PCCA: variants seen among roughly 807,000 people sequenced by gnomAD.
PCCA encodes the protein propionyl-CoA carboxylase alpha chain, mitochondrial.
Under a neutral mutation model 101.3 loss-of-function variants are expected in PCCA, and 74 were observed. The ratio of observed to expected loss-of-function variants is 0.73; its 90% CI spans 0.61 to 0.89. PCCA has a LOEUF of 0.89. Among genes scored for constraint, PCCA ranks in the 40% least tolerant of loss-of-function variants. The pLI, the probability that PCCA is intolerant of heterozygous loss-of-function variation, is 0.00. For synonymous variants in PCCA, 294 were observed against 313.6 expected, an observed-to-expected ratio of 0.94 and a Z score of 0.66; for missense variants, 891 against 907.0, an observed-to-expected ratio of 0.98 and a Z score of 0.23.
chr13:100,418,229 C>T (rs932970268), intron 19 of PCCA, among the ~76,000 whole-genome samples: 1 of 152,198 alleles, frequency 6.6e-6, no homozygotes, highest in Non-Finnish European at 1.5e-5. Context: ...CTCCACCTTC[C>T]CTATGCCTGC....
At position 100,154,995 on chromosome 13, in the gene PCCA, C is replaced by A. The variant is rs765468519; in HGVS notation, c.317C>A (p.Ala106Glu). The A allele has an allele frequency of 1.2e-6, 2 of 1,613,096 alleles. No individual in the cohort carries two copies. Among genetic ancestry groups the A allele is most frequent in the Non-Finnish European group, 1.7e-6 (2 of 1,179,308 alleles). ...TCTCCTCAGGTTCATGTGAAAATGG[C>A]GGATGAGGCTGTCTGTGTTGGCCCA... The part of the protein sequence containing the change: ...VDASSVHVKM[A>E]DEAVCVGPAP... The change falls in exon 5 of 24, where the codon GCG (alanine) becomes GAG (glutamate). Residue 106 changes from alanine (A) to glutamate (E), a missense_variant. Physicochemically the swap from Ala to Glu is moderately radical, Grantham distance 107. Coordinates refer to ENST00000376285, the MANE Select transcript of PCCA (RefSeq NM_000282.4).
intron 19 of PCCA, among the ~76,000 whole-genome samples, chr13:100,380,153 A>G (rs906516542): frequency 6.6e-6 from 1 of 152,122 alleles, no homozygotes; most frequent in Admixed American, 6.5e-5. Flanking sequence ...CTTGAGCCCA[A>G]GAGTTCGAGA....
At chr13:100,249,525 T>C (rs1306242660) in intron 8 of PCCA, among the ~76,000 whole-genome samples, 2 of 152,324 alleles carry the variant, frequency 1.3e-5, no homozygotes, top group Admixed American at 1.3e-4. Context: ...CTTTTGAATT[T>C]GTTCTTTTTC....
chr13:100,431,937 C>G (rs1397322035), intron 20 of PCCA, among the ~76,000 whole-genome samples: 1 of 151,816 alleles, frequency 6.6e-6, no homozygotes. Context: ...AGCCTGTAAT[C>G]CCAGCACTTT....
In PCCA at chr13:100,425,614, T is replaced by C; in HGVS notation, c.1747-19T>C. On this transcript the variant is annotated intron_variant, in intron 19 of 23. Transcript: ENST00000376285. ...TCTGTCTTTCTTCATGGTAATGGTCTTATTTGGTGTCACAACAGGTGGAAG... is the reference window on the plus strand; with the variant it reads ...TCTGTCTTTCTTCATGGTAATGGTCCTATTTGGTGTCACAACAGGTGGAAG... 1 of 1,546,444 alleles carries C rather than the reference T, an allele frequency of 6.5e-7. No individual in the cohort carries two copies. Among genetic ancestry groups the C allele is most frequent in the African/African-American group, 1.4e-5 (1 of 73,794 alleles).
chr13:100,405,624 A>G (rs373828012), intron 19 of PCCA, among the ~76,000 whole-genome samples: 8 of 152,306 alleles, frequency 5.3e-5, no homozygotes, highest in African/African-American at 1.7e-4. Context: ...ATGGATGTCT[A>G]TTCCACAAGG....
chr13:100,180,666 A>G (rs1395908613), intron 6 of PCCA, among the ~76,000 whole-genome samples: 3 of 152,114 alleles, frequency 2.0e-5, no homozygotes, highest in Non-Finnish European at 4.4e-5. Context: ...GTCTCCTCCG[A>G]TTTCTTTCCC....
intron 23 of PCCA, among the ~76,000 whole-genome samples, chr13:100,529,798 G>A (rs901826962): frequency 2.0e-5 from 3 of 152,196 alleles, no homozygotes; most frequent in African/African-American, 4.8e-5. Flanking sequence ...ACCTGAGGGT[G>A]CCAGAGCGCA....
chr13:100,378,031 C>G (rs2076026356), intron 19 of PCCA, among the ~76,000 whole-genome samples: 1 of 152,026 alleles, frequency 6.6e-6, no homozygotes, highest in Admixed American at 6.6e-5. Flanking sequence ...TTTATACTTG[C>G]ACGTGTTTTC....
intron 2 of PCCA, among the ~76,000 whole-genome samples, chr13:100,106,498 C>T (rs750528165): frequency 6.6e-6 from 1 of 152,090 alleles, no homozygotes; most frequent in Non-Finnish European, 1.5e-5. Flanking sequence ...GCAACCTCCA[C>T]CTTCCGAGTT....
rs747848129 is a variant in PCCA at position 100,489,225 on chromosome 13, G to A, written c.1900-26202G>A. Among the ~76,000 whole-genome samples, 6 of 152,046 alleles carry A rather than the reference G, an allele frequency of 3.9e-5. 1 individual carries two copies. The highest frequency in any genetic ancestry group is 8.8e-5 in the Non-Finnish European group (6 of 67,998). On this transcript the variant is annotated intron_variant, in intron 21 of 23. Coordinates refer to ENST00000376285, the MANE Select transcript of PCCA (RefSeq NM_000282.4). ...CGGGAGGCTGAGGCAGGAGAATGGCGTGAACCCGGGAGGCGGAGCTTGCAG... is the reference window on the plus strand; with the variant it reads ...CGGGAGGCTGAGGCAGGAGAATGGCATGAACCCGGGAGGCGGAGCTTGCAG...
intron 6 of PCCA, among the ~76,000 whole-genome samples, chr13:100,202,898 C>G (rs181636781): frequency 2.0e-5 from 3 of 152,068 alleles, no homozygotes; most frequent in African/African-American, 7.2e-5. Flanking sequence ...TCTGTCATCT[C>G]ATTTCTGAGC....
At chr13:100,129,521 G>T (rs557416999) in intron 4 of PCCA, among the ~76,000 whole-genome samples, 1 of 151,882 alleles carries the variant, frequency 6.6e-6, no homozygotes, top group Non-Finnish European at 1.5e-5. Flanking sequence ...CTCTCACCCC[G>T]GCCATTGCTG....
intron 19 of PCCA, among the ~76,000 whole-genome samples, chr13:100,373,876 C>T (rs750918919): frequency 6.6e-6 from 1 of 152,098 alleles, no homozygotes; most frequent in Non-Finnish European, 1.5e-5. Flanking sequence ...CTTTGGGATG[C>T]TGAGGTGGGT....
intron 21 of PCCA, among the ~76,000 whole-genome samples, chr13:100,484,521 G>A (rs561844688): frequency 6.6e-4 from 101 of 152,204 alleles, no homozygotes; most frequent in African/African-American, 2.1e-3. Context: ...TAAACAACAC[G>A]TTCAGGATCT....
At chr13:100,367,676 C>T (rs1238009007) in intron 18 of PCCA, among the ~76,000 whole-genome samples, 10 of 136,434 alleles carry the variant, frequency 7.3e-5, no homozygotes, top group African/African-American at 2.5e-4. Flanking sequence ...ATAATTATAT[C>T]GGCCAGGCGC....
In PCCA at chr13:100,170,091, A is replaced by G. The variant is rs113185749; in HGVS notation, c.468+12751A>G. On this transcript the variant is annotated intron_variant, in intron 6 of 23. Coordinates refer to ENST00000376285, the MANE Select transcript of PCCA (RefSeq NM_000282.4). ...TAGATTAGATAAGTTGCTGAATTCA[A>G]ATTTAGAATTCTGGAAATAAATGTA... Among the ~76,000 whole-genome samples, 446 of 152,302 alleles carry G rather than the reference A, an allele frequency of 2.9e-3. 5 individuals are homozygous for G. Among genetic ancestry groups the G allele is most frequent in the African/African-American group, 0.01 (421 of 41,574 alleles).
chr13:100,300,454 C>T (rs896705905), intron 12 of PCCA, among the ~76,000 whole-genome samples: 1 of 151,954 alleles, frequency 6.6e-6, no homozygotes, highest in African/African-American at 2.4e-5. Context: ...GAAGATAATT[C>T]GTTTGTTCAC....
chr13:100,228,129 C>T lies in PCCA; in HGVS notation c.601-7713C>T, dbSNP rs117407155. Among the ~76,000 whole-genome samples, 37 of 152,272 alleles carry T rather than the reference C, an allele frequency of 2.4e-4. No individual in the cohort carries two copies. In the East Asian group the frequency reaches 6.9e-3, roughly 29 times the overall value. ...CTCCCGGGTTCAATCAATTCCCCTG[C>T]CTCAGCCCCCGGAGTAGCTGGGATT... On this transcript the variant is annotated intron_variant, in intron 7 of 23. Coordinates refer to ENST00000376285, the MANE Select transcript of PCCA (RefSeq NM_000282.4).
Sources: gnomAD v4.1 joint callset for allele counts (sites outside exome capture counted in the v4.1 genomes callset) on GRCh38, gnomAD v4.1.1 for gene constraint, MANE v1.5 for transcripts, NCBI Gene and HGNC (gene_info 2026-07-23, HGNC 2026-07-21) for gene names.